Variants in UBTD1 observed in about 807,000 individuals in gnomAD.
UBTD1 encodes ubiquitin domain-containing protein 1.
In UBTD1, 19 loss-of-function variants were observed where a neutral mutation model predicts 21.7. The ratio of observed to expected loss-of-function variants is 0.87; its 90% CI spans 0.61 to 1.28. The LOEUF is 1.28. Ranked by LOEUF, UBTD1 falls within the 50% of genes most tolerant of loss-of-function variation. The pLI, the probability that UBTD1 is intolerant of heterozygous loss-of-function variation, is 0.00. For missense variants in UBTD1, 282 were observed against 315.1 expected (o/e 0.89, Z 0.80); for synonymous variants, 116 against 135.1 (o/e 0.86, Z 0.98).
chr10:97,538,165 A>C (rs2040572058), intron 1 of UBTD1, among the ~76,000 whole-genome samples: 2 of 151,854 alleles, frequency 1.3e-5, no homozygotes, highest in South Asian at 4.2e-4. Context: ...AGCGCATACC[A>C]GTTTGCCTGC....
chr10:97,568,900 C>T (rs1488742536), intron 2 of UBTD1, among the ~76,000 whole-genome samples: 4 of 151,980 alleles, frequency 2.6e-5, no homozygotes, highest in East Asian at 2.0e-4. Context: ...CTCGGCTCAC[C>T]GCAACCTGCG....
intron 1 of UBTD1, among the ~76,000 whole-genome samples, chr10:97,508,974 C>G (rs1046827211): frequency 6.6e-6 from 1 of 152,220 alleles, no homozygotes; most frequent in South Asian, 2.1e-4. Context: ...ATTGTCCTTG[C>G]TCTGCAAACT....
chr10:97,534,922 C>G (rs1589875633), intron 1 of UBTD1, among the ~76,000 whole-genome samples: 1 of 152,342 alleles, frequency 6.6e-6, no homozygotes, highest in East Asian at 1.9e-4. Context: ...GGCACTCAGC[C>G]AGCCTTTCTA....
intron 1 of UBTD1, among the ~76,000 whole-genome samples, chr10:97,517,379 T>C (rs532818855): frequency 6.6e-6 from 1 of 152,062 alleles, no homozygotes; most frequent in Admixed American, 6.5e-5. Context: ...AGTCCCTGGG[T>C]AGAGGAGGAG....
At chr10:97,541,728 ATTTTTT>A (rs975827062) in intron 1 of UBTD1, among the ~76,000 whole-genome samples, 1 of 98,890 alleles carries the variant, frequency 1.0e-5, no homozygotes, top group Non-Finnish European at 2.0e-5. Context: ...GTCCTCTCTG[ATTTTTT>A]TTTTTTTTTT....
chr10:97,512,513 C>CA, intron 1 of UBTD1, among the ~76,000 whole-genome samples: 1 of 152,300 alleles, frequency 6.6e-6, no homozygotes, highest in East Asian at 1.9e-4. Context: ...TTATAAGGCC[C>CA]AAATGACATT....
chr10:97,549,926 TC>T (rs2040628635), intron 1 of UBTD1, among the ~76,000 whole-genome samples: 1 of 152,180 alleles, frequency 6.6e-6, no homozygotes. Flanking sequence ...GGCTCCCCCC[TC>T]CCCGCCTGGG....
chr10:97,567,271 C>G (rs1420847879), intron 1 of UBTD1, among the ~76,000 whole-genome samples: 1 of 151,270 alleles, frequency 6.6e-6, no homozygotes, highest in Non-Finnish European at 1.5e-5. Flanking sequence ...CAGGGTTTTA[C>G]CATGTTGCCC....
At chr10:97,527,283 T>C (rs2040494070) in intron 1 of UBTD1, among the ~76,000 whole-genome samples, 2 of 151,384 alleles carry the variant, frequency 1.3e-5, no homozygotes, top group South Asian at 2.1e-4. Flanking sequence ...GTCCAGGAGT[T>C]TGAGACCAGC....
At chr10:97,560,816 T>C (rs1437770855) in intron 1 of UBTD1, among the ~76,000 whole-genome samples, 1 of 151,930 alleles carries the variant, frequency 6.6e-6, no homozygotes, top group Non-Finnish European at 1.5e-5. Flanking sequence ...AACACCACGC[T>C]TACACCACAC....
At chr10:97,500,942 C>T (rs112863332) in intron 1 of UBTD1, among the ~76,000 whole-genome samples, 8 of 152,182 alleles carry the variant, frequency 5.3e-5, no homozygotes, top group East Asian at 3.8e-4. Flanking sequence ...GGCTCTGCAT[C>T]GCTCCCTGTC....
intron 1 of UBTD1, among the ~76,000 whole-genome samples, chr10:97,550,139 T>G (rs2040629834): frequency 6.6e-6 from 1 of 152,186 alleles, no homozygotes; most frequent in African/African-American, 2.4e-5. Context: ...TTCTCCCGTC[T>G]GGTGTGAGAG....
intron 1 of UBTD1, among the ~76,000 whole-genome samples, chr10:97,549,358 C>G (rs976989870): frequency 2.0e-5 from 3 of 152,258 alleles, no homozygotes; most frequent in Admixed American, 1.3e-4. Flanking sequence ...GCAGACAGCT[C>G]TGTCTACTCT....
intron 1 of UBTD1, among the ~76,000 whole-genome samples, chr10:97,548,945 G>A (rs1333926635): frequency 6.6e-6 from 1 of 152,192 alleles, no homozygotes; most frequent in African/African-American, 2.4e-5. Flanking sequence ...GATGTGGCCA[G>A]GGCCCCCAGG....
intron 1 of UBTD1, among the ~76,000 whole-genome samples, chr10:97,548,607 C>G (rs2040621777): frequency 6.6e-6 from 1 of 152,130 alleles, no homozygotes; most frequent in African/African-American, 2.4e-5. Context: ...ACCAGCCTGG[C>G]CCATCTCTAC....
At chr10:97,505,324 C>G (rs990951213) in intron 1 of UBTD1, among the ~76,000 whole-genome samples, 3 of 152,176 alleles carry the variant, frequency 2.0e-5, no homozygotes, top group Admixed American at 2.0e-4. Flanking sequence ...ATAAAAACTG[C>G]ATGTGCTCCT....
intron 1 of UBTD1, among the ~76,000 whole-genome samples, chr10:97,560,129 A>T (rs1164190532): frequency 6.7e-6 from 1 of 149,854 alleles, no homozygotes; most frequent in African/African-American, 2.4e-5. Context: ...TGTTACAAAC[A>T]TTTTTTTTTT....
chr10:97,568,171 C>T (rs771367219), intron 2 of UBTD1, 30 bp downstream of exon 2: 65 of 1,610,552 alleles, frequency 4.0e-5, no homozygotes, highest in East Asian at 3.3e-4. Context: ...GCTTTATCCC[C>T]GCTGGAGCTA....
chr10:97,549,660 G>T (rs1205383364), intron 1 of UBTD1, among the ~76,000 whole-genome samples: 3 of 152,178 alleles, frequency 2.0e-5, no homozygotes, highest in Non-Finnish European at 4.4e-5. Context: ...CTCTAGAGAT[G>T]CCCGGTAAGA....
Sources: gnomAD v4.1 joint callset for allele counts (sites outside exome capture counted in the v4.1 genomes callset) on GRCh38, gnomAD v4.1.1 for gene constraint, MANE v1.5 for transcripts, NCBI Gene and HGNC (gene_info 2026-07-23, HGNC 2026-07-21) for gene names.